The following TRIM27 variants were observed in gnomAD, a reference collection of about 807,000 sequenced individuals.
The protein encoded by TRIM27 is zinc finger protein RFP.
Under a neutral mutation model 57.6 loss-of-function variants are expected in TRIM27, and 12 were observed. The ratio of observed to expected loss-of-function variants is 0.21; its 90% CI spans 0.13 to 0.34. The LOEUF is 0.34. TRIM27 is among the 10% of genes least tolerant of loss of function. The probability of loss-of-function intolerance (pLI) is 1.00; values close to 1 mark genes in which losing one functional copy is unlikely to be tolerated. For missense variants in TRIM27, 403 were observed against 656.8 expected, an observed-to-expected ratio of 0.61 and a Z score of 4.22; for synonymous variants, 266 against 259.0, an observed-to-expected ratio of 1.03 and a Z score of -0.26.
Position 28,923,585 on chromosome 6 carries a change from G to C in TRIM27, c.48C>G (p.Cys16Trp). ...CTGCGAAGTACTGCAGGCACACGGG[G>C]CAGGTGGTCTCCTGCTGCAGGCACT... ...VAECLQQETT[C>W]PVCLQYFAEP... Residue 16 changes from cysteine (C) to tryptophan (W), a missense_variant, in exon 1 of 8, where the codon TGC (cysteine) becomes TGG (tryptophan). Transcript: ENST00000377199. The C allele has an allele frequency of 6.2e-7, 1 of 1,604,718 alleles. No individual in the cohort carries two copies. Among genetic ancestry groups the C allele is most frequent in the Non-Finnish European group, 8.5e-7 (1 of 1,174,982 alleles).
At chr6:28,917,810 C>T (rs1366981074) in intron 3 of TRIM27, among the ~76,000 whole-genome samples, 1 of 151,644 alleles carries the variant, frequency 6.6e-6, no homozygotes, top group African/African-American at 2.4e-5. Context: ...CTGATCAGTA[C>T]ATGGTTTCTT....
chr6:28,920,268 T>C, intron 2 of TRIM27, 26 bp from the exon 3 acceptor site: 2 of 1,551,630 alleles, frequency 1.3e-6, no homozygotes, highest in South Asian at 1.2e-5. Context: ...GGAAAGGCAG[T>C]AAAGAGAAAA....
chr6:28,920,561 A>G (rs1365472943), intron 2 of TRIM27, among the ~76,000 whole-genome samples: 1 of 152,192 alleles, frequency 6.6e-6, no homozygotes, highest in African/African-American at 2.4e-5. Flanking sequence ...ATCTTCACAG[A>G]AGCAATTTCA....
intron 3 of TRIM27, chr6:28,915,397 T>C (rs1396632323): frequency 6.7e-6 from 1 of 150,292 alleles, no homozygotes; most frequent in African/African-American, 2.5e-5. Flanking sequence ...TCACCTGAGG[T>C]CAGGAGTTGA....
At position 28,923,318 on chromosome 6, in the gene TRIM27, C is replaced by G; in HGVS notation, c.315G>C (p.Leu105=). 6.2e-7 allele frequency: 1 copy of G among 1,612,596 alleles called. No individual in the cohort carries two copies. Among genetic ancestry groups the G allele is most frequent in the Non-Finnish European group, 8.5e-7 (1 of 1,179,798 alleles). Residue 105 remains leucine, a synonymous_variant, in exon 1 of 8, where the codon CTG becomes CTC. Coordinates refer to ENST00000377199, the MANE Select transcript of TRIM27 (RefSeq NM_006510.5). ...VCEKHREPLK[L]YCEEDQMPIC... ...TGGGCATCTGGTCCTCCTCGCAGTA[C>G]AGCTTCAGGGGCTCGCGGTGCTTCT...
chr6:28,920,035 G>A lies in TRIM27; in HGVS notation c.724C>T (p.Gln242Ter), dbSNP rs1773906937. 6.2e-7 allele frequency: 1 copy of A among 1,613,302 alleles called. No individual in the cohort carries two copies. Among genetic ancestry groups the A allele is most frequent in the African/African-American group, 1.3e-5 (1 of 74,936 alleles). The change falls in exon 3 of 8, where the codon CAG (glutamine) becomes TAG (stop). Residue 242 changes from glutamine (Q) to a stop codon, truncating the protein, a stop_gained. Transcript: ENST00000377199. LOFTEE classifies it high-confidence loss of function. ...ACCTGCAGGAGCTCCCTGGTGGGCT[G>A]CTGCTGCTTCTCTTCTAGCTGAGCG... The part of the protein sequence containing the change: ...LIAQLEEKQQ[Q>*]PTRELLQDIG...
chr6:28,907,363 C>G, intron 6 of TRIM27, 101 bp from the exon 7 acceptor site: 1 of 1,085,880 alleles, frequency 9.2e-7, no homozygotes. Context: ...GTGGTCTCCA[C>G]CAGAAACCCC....
At chr6:28,908,585 C>A in intron 6 of TRIM27, 1 of 498,746 alleles carries the variant, frequency 2.0e-6, no homozygotes, top group Non-Finnish European at 3.6e-6. Context: ...TTTTCTCCTC[C>A]ATCAATGCAG....
At chr6:28,917,258 T>C (rs1248657668) in intron 3 of TRIM27, among the ~76,000 whole-genome samples, 1 of 151,740 alleles carries the variant, frequency 6.6e-6, no homozygotes, top group African/African-American at 2.4e-5. Context: ...CAGTCAAGAT[T>C]TGAGAAAGCA....
Position 28,914,023 on chromosome 6 carries a change from G to GTT in TRIM27, c.748-2307_748-2306dup, listed in dbSNP as rs796375490. Reference sequence around the variant, plus strand: ...TTCTTTCACAGTGTAGCCTACCTATGTTTTTTTTTTTTTTTTAAGACAGAG... The same window carrying GTT: ...TTCTTTCACAGTGTAGCCTACCTATGTTTTTTTTTTTTTTTTTTAAGACAGAG... On this transcript the variant is annotated intron_variant, in intron 3 of 7. Transcript: ENST00000377199. 7.6e-3 allele frequency among the ~76,000 whole-genome samples: 840 copies of GTT among 110,500 alleles called. 7 individuals are homozygous for GTT. The highest frequency in any genetic ancestry group is 0.016 in the Middle Eastern group (3 of 184). The allele number at this position is 110,500 out of a possible 152,430, so 72.5% of individuals were successfully genotyped here. A position where few individuals can be genotyped will look rare whatever the true frequency, so the allele number is the denominator to read the frequency against.
rs778030823 is a variant in TRIM27, at chr6:28,904,583, G to C, written c.1029C>G (p.Leu343=). The C allele has an allele frequency of 6.2e-7, 1 of 1,608,750 alleles. No homozygotes were observed. The highest frequency in any genetic ancestry group is 2.2e-5 in the East Asian group (1 of 44,858). Residue 343 remains leucine, a synonymous_variant, in exon 8 of 8, where the codon CTC becomes CTG. Coordinates refer to ENST00000377199, the MANE Select transcript of TRIM27 (RefSeq NM_006510.5). This position sits in a 1 kb window ranked among gnomAD's most constrained non-coding sequence, Gnocchi z 6.1. ...CGGGGTTGTCAGGCAGGTCCTGTTG[G>C]AGGTAACTGTACCGCACTTGCCGCA... The part of the protein sequence containing the change: ...DNLRQVRYSY[L]QQDLPDNPER...
rs1315550228 is a variant in TRIM27 at position 28,920,164 on chromosome 6, G to A, written c.595C>T (p.Arg199Cys). Residue 199 changes from arginine to cysteine, a missense_variant, in exon 3 of 8, where the codon CGC (arginine) becomes TGC (cysteine). Physicochemically the swap from Arg to Cys is radical, Grantham distance 180. Transcript: ENST00000377199. ...AGCTCCTCAAGGCGGGCCAGGAGGC[G>A]ATACTCATGCTCCTTTAAGGAGTGA... ...LYHSLKEHEY[R>C]LLARLEELDL... The A allele has an allele frequency of 1.2e-6, 2 of 1,614,044 alleles. No individual in the cohort carries two copies. Among genetic ancestry groups the A allele is most frequent in the Non-Finnish European group, 1.7e-6 (2 of 1,180,036 alleles).
chr6:28,903,027 T>A lies in TRIM27; in HGVS notation c.*1043A>T, dbSNP rs1166664612. 4.6e-6 allele frequency: 1 copy of A among 218,080 alleles called. No individual in the cohort carries two copies. The highest frequency in any genetic ancestry group is 9.2e-6 in the Non-Finnish European group (1 of 108,690). 13.5% of individuals were successfully genotyped at this position (218,080 alleles called of 1,614,324 possible). ...TAAACATCCATATTCAGTTTATTTT[T>A]AAACAGAGGGGCACGTACCCACAGA... On this transcript the variant is annotated 3_prime_UTR_variant, in exon 8 of 8. Coordinates refer to ENST00000377199, the MANE Select transcript of TRIM27 (RefSeq NM_006510.5).
Position 28,904,308 on chromosome 6 carries a change from C to T in TRIM27, c.1304G>A (p.Arg435Gln), listed in dbSNP as rs1295622359. 5.0e-6 allele frequency: 8 copies of T among 1,612,914 alleles called. No individual in the cohort carries two copies. Among genetic ancestry groups the T allele is most frequent in the Middle Eastern group, 1.6e-4 (1 of 6,084 alleles). The change falls in exon 8 of 8, where the codon CGG becomes CAG. Residue 435 changes from arginine (R) to glutamine (Q), a missense_variant. Physicochemically the swap from Arg to Gln is conservative, Grantham distance 43 (BLOSUM62 1). Transcript: ENST00000377199. The surrounding 1 kb of genome is among the most constrained non-coding windows in gnomAD (Gnocchi z 6.1). ...ATCATAGTCCAAGAAAATCCCCACC[C>T]GCTGGAGCGGGGTCCGCAGGGGTAG... ...TALPLRTPLQ[R>Q]VGIFLDYDAG...
intron 3 of TRIM27, among the ~76,000 whole-genome samples, chr6:28,913,655 T>C (rs923262101): frequency 2.6e-5 from 4 of 152,154 alleles, no homozygotes. Flanking sequence ...AATGGTATTT[T>C]AGTGTGGTTT....
intron 3 of TRIM27, among the ~76,000 whole-genome samples, chr6:28,917,811 A>C (rs141044928): frequency 2.0e-5 from 3 of 149,896 alleles, no homozygotes; most frequent in African/African-American, 7.4e-5. Flanking sequence ...TGATCAGTAC[A>C]TGGTTTCTTT....
At chr6:28,919,071 T>C (rs1248994296) in intron 3 of TRIM27, among the ~76,000 whole-genome samples, 2 of 151,346 alleles carry the variant, frequency 1.3e-5, no homozygotes, top group Non-Finnish European at 2.9e-5. Flanking sequence ...TGGAGTACAG[T>C]GGCGCGATCT....
intron 3 of TRIM27, among the ~76,000 whole-genome samples, chr6:28,918,180 A>G (rs12212813): frequency 0.036 from 5,488 of 152,198 alleles, 273 homozygotes; most frequent in Non-Finnish European, 0.041. Context: ...ACCTTACAAC[A>G]TATACTCCTT....
At chr6:28,907,316 C>T in intron 6 of TRIM27, 54 bp from the exon 7 acceptor site, 1 of 1,569,138 alleles carries the variant, frequency 6.4e-7, no homozygotes, top group South Asian at 1.1e-5. Flanking sequence ...CCAGGAAATA[C>T]ATAACTAAGG....
Sources: allele counts gnomAD v4.1 joint callset (sites outside exome capture counted in the v4.1 genomes callset), GRCh38; gene constraint gnomAD v4.1.1; non-coding constraint Gnocchi (gnomAD v3.1); transcripts MANE v1.5; gene names NCBI Gene and HGNC (gene_info 2026-07-23, HGNC 2026-07-21).